Variants in PTPRD observed in about 807,000 individuals in gnomAD.
PTPRD encodes the protein receptor-type tyrosine-protein phosphatase delta.
PTPRD carries 34 observed loss-of-function variants against 214.5 expected under a neutral mutation model. That is an observed-to-expected ratio of 0.16 (90% CI 0.12 to 0.21). The LOEUF (loss-of-function observed/expected upper bound fraction) is 0.21, where lower values mean the gene tolerates loss of function less well. Among genes scored for constraint, PTPRD ranks in the 10% least tolerant of loss-of-function variants. PTPRD has a pLI of 1.00. For synonymous variants in PTPRD, 1,128 were observed against 845.7 expected, an observed-to-expected ratio of 1.33 and a Z score of -5.79; for missense variants, 2,545 against 2,398.7, an observed-to-expected ratio of 1.06 and a Z score of -1.27.
chr9:9,685,282 A>T (rs935787377), intron 7 of PTPRD, among the ~76,000 whole-genome samples: 1 of 149,758 alleles, frequency 6.7e-6, no homozygotes, highest in Non-Finnish European at 1.5e-5. Context: ...ATATATATGT[A>T]TCCATAGTTT....
At chr9:8,546,608 C>G (rs1389763981) in intron 14 of PTPRD, among the ~76,000 whole-genome samples, 1 of 151,994 alleles carries the variant, frequency 6.6e-6, no homozygotes, top group East Asian at 1.9e-4. Flanking sequence ...AAGAGATTCT[C>G]CTGCCTTGGT....
chr9:9,016,161 T>C (rs2154365922), intron 11 of PTPRD, among the ~76,000 whole-genome samples: 1 of 152,264 alleles, frequency 6.6e-6, no homozygotes, highest in East Asian at 1.9e-4. Flanking sequence ...GTCACCCTCC[T>C]TGGGAAGCGA....
intron 4 of PTPRD, among the ~76,000 whole-genome samples, chr9:9,981,672 T>A (rs2095548997): frequency 6.6e-6 from 1 of 152,086 alleles, no homozygotes; most frequent in Non-Finnish European, 1.5e-5. Flanking sequence ...CGATTCTACA[T>A]TCTTAATATG....
chr9:9,541,935 G>C (rs994621314), intron 8 of PTPRD, among the ~76,000 whole-genome samples: 5 of 151,652 alleles, frequency 3.3e-5, no homozygotes, highest in African/African-American at 1.2e-4. Flanking sequence ...CAAGATTCTA[G>C]AGAAAGAAGT....
chr9:9,132,270 A>T (rs571585192), intron 10 of PTPRD, among the ~76,000 whole-genome samples: 1 of 152,064 alleles, frequency 6.6e-6, no homozygotes, highest in Non-Finnish European at 1.5e-5. Context: ...CGGCCTCCCA[A>T]ATTGCTGGGA....
chr9:8,576,956 G>T (rs777004630), intron 14 of PTPRD, among the ~76,000 whole-genome samples: 1 of 152,108 alleles, frequency 6.6e-6, no homozygotes, highest in Non-Finnish European at 1.5e-5. Flanking sequence ...TTTATCACCT[G>T]TTGTCTATTT....
At chr9:8,406,688 G>C (rs2093013362) in intron 35 of PTPRD, among the ~76,000 whole-genome samples, 2 of 152,260 alleles carry the variant, frequency 1.3e-5, no homozygotes, top group South Asian at 4.1e-4. Context: ...AGAAATCATA[G>C]AGTAATTCCT....
rs374969402 is a variant in PTPRD at position 8,339,016 on chromosome 9, C to T, written c.5285G>A (p.Arg1762Gln). The T allele has an allele frequency of 6.8e-6, 11 of 1,611,898 alleles. No individual in the cohort carries two copies. Among genetic ancestry groups the T allele is most frequent in the African/African-American group, 6.7e-5 (5 of 74,888 alleles). The change falls in exon 43 of 46, where the codon CGG becomes CAG. Residue 1762 changes from arginine to glutamine, a missense_variant. Coordinates refer to ENST00000381196, the MANE Select transcript of PTPRD (RefSeq NM_002839.4). ...EKCHQYWPAERSARYQYFVVD... is the reference protein window; with the variant it reads ...EKCHQYWPAEQSARYQYFVVD... ...AACAAAGTACTGGTATCTTGCAGACCGTTCTGCTGGCCAGTATTGGTGACA... is the reference window on the plus strand; with the variant it reads ...AACAAAGTACTGGTATCTTGCAGACTGTTCTGCTGGCCAGTATTGGTGACA...
intron 7 of PTPRD, among the ~76,000 whole-genome samples, chr9:9,677,445 T>G (rs2096957696): frequency 1.3e-5 from 2 of 152,078 alleles, no homozygotes; most frequent in African/African-American, 2.4e-5. Context: ...TTCCAGCATA[T>G]AAACAGAACC....
At chr9:9,230,249 T>G (rs1047293966) in intron 9 of PTPRD, among the ~76,000 whole-genome samples, 1 of 152,102 alleles carries the variant, frequency 6.6e-6, no homozygotes, top group Admixed American at 6.6e-5. Flanking sequence ...ATTAGAATGA[T>G]TCTAAAGAGG....
chr9:9,453,208 G>C (rs1481879361), intron 8 of PTPRD, among the ~76,000 whole-genome samples: 1 of 151,300 alleles, frequency 6.6e-6, no homozygotes, highest in Non-Finnish European at 1.5e-5. Flanking sequence ...TTGTTAGTAT[G>C]GGTAATTAAA....
intron 11 of PTPRD, among the ~76,000 whole-genome samples, chr9:8,765,473 A>T (rs1389645849): frequency 1.3e-5 from 2 of 152,224 alleles, no homozygotes; most frequent in Non-Finnish European, 2.9e-5. Context: ...GAGAAAAACC[A>T]ATCCCTGCCA....
intron 37 of PTPRD, among the ~76,000 whole-genome samples, chr9:8,381,148 T>C (rs1025939186): frequency 1.3e-5 from 2 of 152,090 alleles, no homozygotes; most frequent in African/African-American, 4.8e-5. Flanking sequence ...TTGGGCAGAG[T>C]GGTTGTTCAA....
chr9:10,356,304 G>A (rs1245915073), intron 2 of PTPRD, among the ~76,000 whole-genome samples: 6 of 152,038 alleles, frequency 3.9e-5, no homozygotes, highest in African/African-American at 1.4e-4. Flanking sequence ...TGCTGCCCAT[G>A]CCAAAGGTCA....
intron 2 of PTPRD, among the ~76,000 whole-genome samples, chr9:10,364,170 T>G (rs899070849): frequency 7.3e-5 from 11 of 151,656 alleles, no homozygotes; most frequent in African/African-American, 2.7e-4. Context: ...CGGATAATTT[T>G]TTTTGTATTT....
chr9:10,105,672 T>C (rs536378472), intron 3 of PTPRD, among the ~76,000 whole-genome samples: 4 of 151,898 alleles, frequency 2.6e-5, no homozygotes, highest in Non-Finnish European at 5.9e-5. Flanking sequence ...TCCAGGTTTT[T>C]AATACCAAAA....
At chr9:9,052,288 G>C (rs1051951448) in intron 10 of PTPRD, among the ~76,000 whole-genome samples, 1 of 152,078 alleles carries the variant, frequency 6.6e-6, no homozygotes, top group South Asian at 2.1e-4. Flanking sequence ...TCAACATCTT[G>C]GGTGTTGGAA....
intron 10 of PTPRD, among the ~76,000 whole-genome samples, chr9:9,078,901 C>T (rs1250346142): frequency 1.3e-5 from 2 of 151,868 alleles, no homozygotes; most frequent in African/African-American, 4.8e-5. Flanking sequence ...ATATAGTGAT[C>T]AGATCAGGGT....
intron 2 of PTPRD, among the ~76,000 whole-genome samples, chr9:10,574,232 G>C (rs2068418684): frequency 6.6e-6 from 1 of 151,590 alleles, no homozygotes; most frequent in Admixed American, 6.6e-5. Context: ...TGTGTGTATT[G>C]TTTTAAGTTT....
Sources: allele counts gnomAD v4.1 joint callset (sites outside exome capture counted in the v4.1 genomes callset), GRCh38; gene constraint gnomAD v4.1.1; transcripts MANE v1.5; gene names NCBI Gene and HGNC (gene_info 2026-07-23, HGNC 2026-07-21).